ADGRF5: variants seen among roughly 807,000 people sequenced by gnomAD.
ADGRF5 encodes adhesion G protein-coupled receptor F5.
Under a neutral mutation model 132.3 loss-of-function variants are expected in ADGRF5, and 75 were observed. That is an observed-to-expected ratio of 0.57 (90% CI 0.47 to 0.69). ADGRF5 has a LOEUF of 0.69. Among genes scored for constraint, ADGRF5 ranks in the 30% least tolerant of loss-of-function variants. The pLI is 0.00. For synonymous variants in ADGRF5, 629 were observed against 597.6 expected, an observed-to-expected ratio of 1.05 and a Z score of -0.77; for missense variants, 1,516 against 1,630.6, an observed-to-expected ratio of 0.93 and a Z score of 1.21.
intron 3 of ADGRF5, among the ~76,000 whole-genome samples, chr6:46,891,560 A>G (rs911014255): frequency 2.6e-5 from 4 of 151,772 alleles, no homozygotes; most frequent in Non-Finnish European, 4.4e-5. Flanking sequence ...TGAGGTCAGT[A>G]ACAAATTCAT....
intron 14 of ADGRF5, among the ~76,000 whole-genome samples, chr6:46,864,808 G>A (rs1175245383): frequency 1.3e-5 from 2 of 152,158 alleles, no homozygotes; most frequent in Non-Finnish European, 2.9e-5. Context: ...ATAGGCGTGA[G>A]CCACCGCACC....
chr6:46,868,582 G>T (rs1770713111), intron 12 of ADGRF5, among the ~76,000 whole-genome samples: 1 of 152,156 alleles, frequency 6.6e-6, no homozygotes, highest in Admixed American at 6.5e-5. Flanking sequence ...AGTGTCTAGT[G>T]AAAGTACTTT....
At chr6:46,929,440 T>G (rs1036521743) in intron 1 of ADGRF5, among the ~76,000 whole-genome samples, 1 of 147,950 alleles carries the variant, frequency 6.8e-6, no homozygotes, top group Admixed American at 6.9e-5. Flanking sequence ...CATGTATACA[T>G]ACATAACAAA....
intron 3 of ADGRF5, among the ~76,000 whole-genome samples, chr6:46,895,018 A>C (rs915990454): frequency 2.0e-5 from 3 of 152,108 alleles, no homozygotes; most frequent in Non-Finnish European, 2.9e-5. Context: ...TCTACTAAAA[A>C]TACAAAAAAT....
intron 4 of ADGRF5, among the ~76,000 whole-genome samples, 165 bp from the exon 5 acceptor site, chr6:46,884,436 T>A (rs116742363): frequency 6.6e-6 from 1 of 152,260 alleles, no homozygotes; most frequent in Non-Finnish European, 1.5e-5. Flanking sequence ...TTTGCATGTA[T>A]GCATCACCAT....
At chr6:46,939,384 C>T (rs1777971579) in intron 1 of ADGRF5, among the ~76,000 whole-genome samples, 1 of 152,028 alleles carries the variant, frequency 6.6e-6, no homozygotes, top group South Asian at 2.1e-4. Context: ...CAGGAGGGCA[C>T]TGGTTTGAGA....
At chr6:46,890,424 A>G (rs1041479774) in intron 3 of ADGRF5, among the ~76,000 whole-genome samples, 5 of 152,026 alleles carry the variant, frequency 3.3e-5, no homozygotes, top group African/African-American at 1.2e-4. Flanking sequence ...CAGTTAAATA[A>G]GGAAAAAAGT....
chr6:46,924,339 C>A (rs9472910), upstream of ADGRF5, among the ~76,000 whole-genome samples: 1,346 of 152,306 alleles, frequency 8.8e-3, 21 homozygotes, highest in African/African-American at 0.03. Context: ...ACTGTAAGCA[C>A]CTTGAAGGCA....
At position 46,884,120 on chromosome 6, in the gene ADGRF5, A is replaced by G; in HGVS notation, c.480T>C (p.Asn160=). The change falls in exon 5 of 21, where the codon AAT becomes AAC. Residue 160 remains asparagine, a synonymous_variant. Coordinates refer to ENST00000283296, the MANE Select transcript of ADGRF5 (RefSeq NM_001098518.2). ...CTTCCTGAAGCAGGCAAAAAGGTCC[A>G]TTGGGAGGCAGTTCTTTAAGGCAAC... is the stretch of plus-strand genomic sequence containing the variant. ...HCSCLKELPP[N]GPFCLLQEDV... 1 of 1,614,056 alleles carries G rather than the reference A, an allele frequency of 6.2e-7. No individual in the cohort carries two copies. Among genetic ancestry groups the G allele is most frequent in the Non-Finnish European group, 8.5e-7 (1 of 1,179,920 alleles).
chr6:46,878,987 A>G (rs1772139506), intron 9 of ADGRF5, among the ~76,000 whole-genome samples: 1 of 152,190 alleles, frequency 6.6e-6, no homozygotes, highest in African/African-American at 2.4e-5. Flanking sequence ...ATAACAGTGG[A>G]GAACCAGAAA....
Position 46,880,330 on chromosome 6 carries a change from G to C in ADGRF5, c.815-291C>G, listed in dbSNP as rs1023790857. Among the ~76,000 whole-genome samples the C allele has an allele frequency of 1.6e-4, 23 of 147,778 alleles. 1 individual carries two copies. Among genetic ancestry groups the C allele is most frequent in the African/African-American group, 5.3e-4 (21 of 39,834 alleles). Reference sequence around the variant, plus strand: ...AAAGCTATTTTCAATATTTCAAAAAGTGTGGTAGAAAATTGCACATTTTTT... The same window carrying C: ...AAAGCTATTTTCAATATTTCAAAAACTGTGGTAGAAAATTGCACATTTTTT... On this transcript the variant is annotated intron_variant, in intron 8 of 20. Transcript: ENST00000283296.
chr6:46,879,134 T>C (rs2150832109), intron 9 of ADGRF5, among the ~76,000 whole-genome samples: 1 of 151,998 alleles, frequency 6.6e-6, no homozygotes, highest in South Asian at 2.1e-4. Context: ...ACAAAGCTAT[T>C]TTAAATTTTT....
upstream of ADGRF5, chr6:46,922,103 A>C (rs539579159): frequency 6.6e-6 from 1 of 152,346 alleles, no homozygotes; most frequent in Admixed American, 6.5e-5. Flanking sequence ...CAATGCCCCT[A>C]GTTCTCACTT....
rs144864973 is a variant in ADGRF5 at position 46,952,262 on chromosome 6, T to C, written c.-25+2472A>G. Among the ~76,000 whole-genome samples, 19 of 152,326 alleles carry C rather than the reference T, an allele frequency of 1.2e-4. No homozygotes were observed. The East Asian group carries it at 3.7e-3, about 29-fold the overall frequency. On this transcript the variant is annotated intron_variant, in intron 1 of 20. Coordinates refer to the ADGRF5 transcript ENST00000265417. Reference sequence around the variant, plus strand: ...GCCAGCATTTGTTAGGGATCAAGCTTATTTCAGTTTTCCTTAATACTTCCA... The same window carrying C: ...GCCAGCATTTGTTAGGGATCAAGCTCATTTCAGTTTTCCTTAATACTTCCA...
chr6:46,859,127 T>C lies in ADGRF5; in HGVS notation c.2776A>G (p.Thr926Ala). The change falls in exon 17 of 21, where the codon ACC (threonine) becomes GCC (alanine). Residue 926 changes from threonine to alanine, a missense_variant. Thr to Ala is a moderately conservative substitution (Grantham distance 58). Transcript: ENST00000283296. The stretch of plus-strand genomic sequence containing the variant: ...ATAGTTGTATTGTGGCTGACAGTGG[T>C]TGTCATCACTAAGCTCTCTGCAAAG... ...NNFAESLVMT[T>A]TVSHNTTMPF... 3.7e-6 allele frequency: 6 copies of C among 1,614,082 alleles called. No homozygotes were observed. Among genetic ancestry groups the C allele is most frequent in the Non-Finnish European group, 5.1e-6 (6 of 1,179,932 alleles).
chr6:46,921,015 C>T (rs1355743972), intron 1 of ADGRF5, among the ~76,000 whole-genome samples: 2 of 152,182 alleles, frequency 1.3e-5, no homozygotes, highest in Non-Finnish European at 2.9e-5. Flanking sequence ...AGTGAAGTGG[C>T]ATGACCTGGC....
At chr6:46,871,406 G>T (rs937540673) in intron 11 of ADGRF5, among the ~76,000 whole-genome samples, 2 of 152,178 alleles carry the variant, frequency 1.3e-5, no homozygotes, top group Non-Finnish European at 2.9e-5. Context: ...GAGGAGGAAT[G>T]AGGAAGGGTG....
upstream of ADGRF5, among the ~76,000 whole-genome samples, chr6:46,924,332 G>C (rs867700255): frequency 2.5e-4 from 38 of 152,296 alleles, no homozygotes; most frequent in African/African-American, 8.9e-4. Context: ...TGCATTGACT[G>C]TAAGCACCTT....
intron 1 of ADGRF5, among the ~76,000 whole-genome samples, chr6:46,910,350 G>A (rs1183772995): frequency 6.6e-6 from 1 of 152,140 alleles, no homozygotes; most frequent in East Asian, 1.9e-4. Context: ...ATAGGATTGT[G>A]GGTAATAATT....
Sources: allele counts gnomAD v4.1 joint callset (sites outside exome capture counted in the v4.1 genomes callset), GRCh38; gene constraint gnomAD v4.1.1; transcripts MANE v1.5; gene names NCBI Gene and HGNC (gene_info 2026-07-23, HGNC 2026-07-21).